Variants in VAX2 observed in about 807,000 individuals in gnomAD.
VAX2 encodes the protein ventral anterior homeobox 2.
VAX2 carries 8 observed loss-of-function variants against 12.5 expected under a neutral mutation model. That is an observed-to-expected ratio of 0.64 (90% CI 0.37 to 1.15). VAX2 has a LOEUF of 1.15. Among genes scored for constraint, VAX2 ranks in the 50% most tolerant of loss-of-function variants. VAX2 has a pLI of 0.01. For missense variants in VAX2, 476 were observed against 412.9 expected (o/e 1.15, Z -1.32); for synonymous variants, 183 against 187.6 (o/e 0.98, Z 0.20).
intron 1 of VAX2, among the ~76,000 whole-genome samples, chr2:70,909,636 AT>A (rs150076018): frequency 0.013 from 2,003 of 152,174 alleles, 48 homozygotes; most frequent in African/African-American, 0.044. Context: ...CAAAAATTGG[AT>A]TTTTTTGCAA....
In VAX2 at chr2:70,921,239, G is replaced by A. The variant is rs148304948; in HGVS notation, c.389G>A (p.Arg130His). 81 of 1,613,226 alleles carry A rather than the reference G, an allele frequency of 5.0e-5. No homozygotes were observed. The African/African-American group carries it at 9.7e-4, about 19-fold the overall frequency. The change falls in exon 2 of 3, where the codon CGC becomes CAC. Residue 130 changes from arginine (R) to histidine (H), a missense_variant. Transcript: ENST00000234392. The stretch of plus-strand genomic sequence containing the variant: ...CAGCGCTGCCAGTATGTGGTGGGCC[G>A]CGAGCGCACTGAGCTGGCCCGCCAG... ...EFQRCQYVVG[R>H]ERTELARQLN...
intron 1 of VAX2, among the ~76,000 whole-genome samples, chr2:70,914,627 C>T (rs1679267482): frequency 6.6e-6 from 1 of 151,926 alleles, no homozygotes; most frequent in Admixed American, 6.6e-5. Context: ...TTGTTAATGT[C>T]CTTTCAACCT....
At chr2:70,925,051 G>C (rs1044856348) in intron 2 of VAX2, among the ~76,000 whole-genome samples, 1 of 152,220 alleles carries the variant, frequency 6.6e-6, no homozygotes, top group Non-Finnish European at 1.5e-5. Context: ...CTATGAAGAC[G>C]TGAGGGGCAG....
Position 70,900,697 on chromosome 2 carries a change from G to A in VAX2, c.76G>A (p.Gly26Arg), listed in dbSNP as rs557962817. 8 of 1,339,128 alleles carry A rather than the reference G, an allele frequency of 6.0e-6. No individual in the cohort carries two copies. The South Asian group carries it at 1.1e-4, about 19-fold the overall frequency. 83.0% of individuals were successfully genotyped at this position (1,339,128 alleles called of 1,614,324 possible). ...AESGGGGGRC[G>R]DRSGAGDLRA... ...GTCTGGTGGCGGCGGTGGGCGCTGC[G>A]GAGACCGCAGCGGAGCGGGGGACTT... Residue 26 changes from glycine (G) to arginine (R), a missense_variant, in exon 1 of 3, where the codon GGA becomes AGA. Transcript: ENST00000234392.
intron 2 of VAX2, among the ~76,000 whole-genome samples, chr2:70,927,556 C>CTT: frequency 6.6e-6 from 1 of 150,796 alleles, no homozygotes; most frequent in South Asian, 2.1e-4. Context: ...AAGTATGGGC[C>CTT]CATGGTCACA....
At chr2:70,923,777 C>CCA (rs1275825158) in intron 2 of VAX2, among the ~76,000 whole-genome samples, 2 of 142,884 alleles carry the variant, frequency 1.4e-5, no homozygotes, top group Non-Finnish European at 3.1e-5. Context: ...TCCAGTGCCC[C>CCA]CATTCCCAGC....
chr2:70,910,977 T>C (rs546878132), intron 1 of VAX2, among the ~76,000 whole-genome samples: 4 of 152,038 alleles, frequency 2.6e-5, no homozygotes, highest in Non-Finnish European at 5.9e-5. Flanking sequence ...TATATATGCA[T>C]ACACAAACAT....
At chr2:70,929,129 G>C (rs571267785) in intron 2 of VAX2, among the ~76,000 whole-genome samples, 1 of 152,190 alleles carries the variant, frequency 6.6e-6, no homozygotes, top group Non-Finnish European at 1.5e-5. Context: ...AATGGGAAAG[G>C]GTTTTCTTCT....
chr2:70,906,414 A>G (rs1165515606), intron 1 of VAX2, among the ~76,000 whole-genome samples: 1 of 151,850 alleles, frequency 6.6e-6, no homozygotes, highest in East Asian at 1.9e-4. Context: ...GTGTGCTATA[A>G]GGCCCTGGCG....
At chr2:70,931,590 C>T (rs552369029) in intron 2 of VAX2, among the ~76,000 whole-genome samples, 2 of 152,366 alleles carry the variant, frequency 1.3e-5, no homozygotes, top group East Asian at 3.9e-4. Context: ...TCTGCAAAGC[C>T]AAGGGGTCTC....
chr2:70,907,438 C>T (rs1434006944), intron 1 of VAX2, among the ~76,000 whole-genome samples: 2 of 152,256 alleles, frequency 1.3e-5, no homozygotes, highest in African/African-American at 2.4e-5. Flanking sequence ...CTGGATAAAT[C>T]TGTGCCCCTG....
At chr2:70,906,520 C>CTTTTTTTTTTTTTTTTTTTTTTTTT (rs869309305) in intron 1 of VAX2, among the ~76,000 whole-genome samples, 4 of 60,606 alleles carry the variant, frequency 6.6e-5, no homozygotes, top group African/African-American at 1.6e-4. Flanking sequence ...TTTTCTTTTC[C>CTTTTTTTTTTTTTTTTTTTTTTTTT]TTTTTTTTTT....
At chr2:70,927,040 C>T (rs7569884) in intron 2 of VAX2, among the ~76,000 whole-genome samples, 22,456 of 152,072 alleles carry the variant, frequency 0.15, 2,211 homozygotes, top group African/African-American at 0.27. Context: ...AAACACTTAC[C>T]GTGTTGTAAC....
At chr2:70,901,732 A>G (rs1466433596) in intron 1 of VAX2, among the ~76,000 whole-genome samples, 5 of 152,080 alleles carry the variant, frequency 3.3e-5, no homozygotes, top group African/African-American at 9.7e-5. Flanking sequence ...CTTTCCCTCG[A>G]TCTGGGCCTC....
In VAX2 at chr2:70,933,047, C is replaced by T. The variant is rs781925092; in HGVS notation, c.716C>T (p.Pro239Leu). 65 of 1,602,506 alleles carry T rather than the reference C, an allele frequency of 4.1e-5. No homozygotes were observed. Among genetic ancestry groups the T allele is most frequent in the Non-Finnish European group, 5.3e-5 (62 of 1,174,528 alleles). The change falls in exon 3 of 3, where the codon CCC (proline) becomes CTC (leucine). Residue 239 changes from proline (P) to leucine (L), a missense_variant. Pro to Leu is a moderately conservative substitution (Grantham distance 98). Transcript: ENST00000234392. Reference sequence around the variant, plus strand: ...CCGCTGTCCTCGGCCTCAGCGTCCCCCCCACTGCCGCCCCCTCTGCCAGCT... The same window carrying T: ...CCGCTGTCCTCGGCCTCAGCGTCCCTCCCACTGCCGCCCCCTCTGCCAGCT... ...LNPLSSASAS[P>L]PLPPPLPAVC...
chr2:70,921,647 G>C (rs1373574492), intron 2 of VAX2, among the ~76,000 whole-genome samples: 1 of 151,980 alleles, frequency 6.6e-6, no homozygotes, highest in Non-Finnish European at 1.5e-5. Flanking sequence ...TTGGCTGGTT[G>C]GAAATAACGA....
rs1553412802 is a variant in VAX2, at chr2:70,921,175, T to C, written c.325T>C (p.Phe109Leu). Reference protein sequence around the residue: ...LDRPKRTRTSFTAEQLYRLEM... With the variant: ...LDRPKRTRTSLTAEQLYRLEM... ...CCGGCCCAAGCGGACACGTACATCCTTCACTGCCGAGCAGCTGTACCGCCT... is the reference window on the plus strand; with the variant it reads ...CCGGCCCAAGCGGACACGTACATCCCTCACTGCCGAGCAGCTGTACCGCCT... The change falls in exon 2 of 3, where the codon TTC (phenylalanine) becomes CTC (leucine). Residue 109 changes from phenylalanine (F) to leucine (L), a missense_variant. Physicochemically the swap from Phe to Leu is conservative, Grantham distance 22. Coordinates refer to ENST00000234392, the MANE Select transcript of VAX2 (RefSeq NM_012476.3). The C allele has an allele frequency of 3.7e-6, 6 of 1,613,726 alleles. No individual in the cohort carries two copies. The highest frequency in any genetic ancestry group is 5.1e-6 in the Non-Finnish European group (6 of 1,179,956).
At chr2:70,908,548 A>G (rs1679115435) in intron 1 of VAX2, among the ~76,000 whole-genome samples, 2 of 152,210 alleles carry the variant, frequency 1.3e-5, no homozygotes. Flanking sequence ...TGTATATCAT[A>G]TAACCAGTAC....
intron 2 of VAX2, among the ~76,000 whole-genome samples, chr2:70,929,843 C>T (rs1385532422): frequency 6.6e-6 from 1 of 152,190 alleles, no homozygotes; most frequent in Non-Finnish European, 1.5e-5. Context: ...TGCCAATTGA[C>T]AGACAGGCTT....
Sources: allele counts gnomAD v4.1 joint callset (sites outside exome capture counted in the v4.1 genomes callset), GRCh38; gene constraint gnomAD v4.1.1; transcripts MANE v1.5; gene names NCBI Gene and HGNC (gene_info 2026-07-23, HGNC 2026-07-21).